Variants in MED27 observed in about 807,000 individuals in gnomAD.
MED27 encodes the protein mediator of RNA polymerase II transcription subunit 27.
MED27 carries 30 observed loss-of-function variants against 38.2 expected under a neutral mutation model. That is an observed-to-expected ratio of 0.79 (90% CI 0.59 to 1.07). The LOEUF is 1.07. Ranked by LOEUF, MED27 falls within the 50% of genes least tolerant of loss-of-function variation. The probability of loss-of-function intolerance (pLI) is 0.00; values close to 1 mark genes in which losing one functional copy is unlikely to be tolerated. For synonymous variants in MED27, 122 were observed against 153.5 expected, an observed-to-expected ratio of 0.79 and a Z score of 1.52; for missense variants, 289 against 397.5, an observed-to-expected ratio of 0.73 and a Z score of 2.32.
chr9:132,009,793 ATAAT>A (rs2131070025), intron 3 of MED27, among the ~76,000 whole-genome samples: 1 of 152,388 alleles, frequency 6.6e-6, no homozygotes, highest in African/African-American at 2.4e-5. Flanking sequence ...GAAGCAATAG[ATAAT>A]TAACATAGCA....
Position 131,873,705 on chromosome 9 carries a change from G to A in MED27, c.723+10353C>T, listed in dbSNP as rs150958155. ...GATGAGACCAGAGGCAAGGCTGCCT[G>A]AGCTGGAACTGGAGAGGTGAAGGCA... On this transcript the variant is annotated intron_variant, in intron 6 of 7. Coordinates refer to ENST00000292035, the MANE Select transcript of MED27 (RefSeq NM_004269.4). 3.1e-3 allele frequency among the ~76,000 whole-genome samples: 475 copies of A among 152,320 alleles called. 3 individuals are homozygous for A. Among genetic ancestry groups the A allele is most frequent in the African/African-American group, 0.011 (456 of 41,570 alleles).
chr9:132,022,790 A>C (rs950734170), intron 2 of MED27, among the ~76,000 whole-genome samples: 2 of 152,180 alleles, frequency 1.3e-5, no homozygotes, highest in African/African-American at 4.8e-5. Context: ...GGAAGCAAGG[A>C]CCTTCTTCAC....
intron 3 of MED27, among the ~76,000 whole-genome samples, chr9:132,013,633 G>C (rs1832531170): frequency 6.6e-6 from 1 of 152,090 alleles, no homozygotes; most frequent in Non-Finnish European, 1.5e-5. Context: ...TCTAATCTCA[G>C]CTCTAGCAGG....
chr9:131,949,137 G>A (rs1400898476), intron 3 of MED27, among the ~76,000 whole-genome samples: 1 of 152,184 alleles, frequency 6.6e-6, no homozygotes, highest in African/African-American at 2.4e-5. Context: ...GAGAAGAATT[G>A]TTTACTATTC....
intron 1 of MED27, among the ~76,000 whole-genome samples, chr9:132,079,031 A>G (rs557431512): frequency 5.9e-5 from 9 of 152,258 alleles, no homozygotes; most frequent in Non-Finnish European, 1.3e-4. Flanking sequence ...AAACTGGTTA[A>G]GAGATTAGAG....
chr9:131,987,175 G>T (rs1831871278), intron 3 of MED27, among the ~76,000 whole-genome samples: 1 of 151,990 alleles, frequency 6.6e-6, no homozygotes, highest in African/African-American at 2.4e-5. Context: ...TTCCCTTGCT[G>T]CACGTTCTCA....
intron 4 of MED27, among the ~76,000 whole-genome samples, chr9:131,937,450 C>A (rs1481383058): frequency 1.3e-5 from 2 of 152,096 alleles, no homozygotes; most frequent in African/African-American, 4.8e-5. Flanking sequence ...GTGATTCTTG[C>A]CTTGAATTGA....
chr9:132,062,908 C>G (rs1833730716), intron 2 of MED27, among the ~76,000 whole-genome samples: 1 of 152,192 alleles, frequency 6.6e-6, no homozygotes. Flanking sequence ...AGGTGTGAGC[C>G]ACTGCACCCA....
chr9:131,948,278 A>G (rs1346088470), intron 3 of MED27, among the ~76,000 whole-genome samples: 2 of 152,156 alleles, frequency 1.3e-5, no homozygotes, highest in Non-Finnish European at 2.9e-5. Context: ...TGAGGTCAGG[A>G]GTTCGAGACC....
chr9:132,043,020 G>A (rs1051532301), intron 2 of MED27, among the ~76,000 whole-genome samples: 5 of 152,132 alleles, frequency 3.3e-5, no homozygotes, highest in South Asian at 2.1e-4. Context: ...AACATCTGGA[G>A]TAGGCAAATG....
intron 3 of MED27, among the ~76,000 whole-genome samples, chr9:131,988,679 C>T (rs2131038288): frequency 6.6e-6 from 1 of 152,216 alleles, no homozygotes; most frequent in African/African-American, 2.4e-5. Context: ...CCAGGGTCTT[C>T]TTACATTGCC....
rs1419361963 is a variant in MED27, at chr9:131,862,308, C to T, written c.801+755G>A. Among the ~76,000 whole-genome samples, 6 of 152,218 alleles carry T rather than the reference C, an allele frequency of 3.9e-5. No homozygotes were observed. The highest frequency in any genetic ancestry group is 1.3e-4 in the Admixed American group (2 of 15,296). ...TGAAGAAAACAGGGAGTCCCAGCAG[C>T]GGTGGATGATGGGGTCTGCTGGCGT... On this transcript the variant is annotated intron_variant, in intron 7 of 7. Transcript: ENST00000292035. The surrounding 1 kb of genome is among the most constrained non-coding windows in gnomAD (Gnocchi z 4.6).
chr9:131,955,586 T>C (rs1831079951), intron 3 of MED27, among the ~76,000 whole-genome samples: 1 of 152,212 alleles, frequency 6.6e-6, no homozygotes, highest in Non-Finnish European at 1.5e-5. Flanking sequence ...ATCGCTCAGA[T>C]TCTAGAGGCA....
chr9:131,928,964 T>A (rs78832847), intron 4 of MED27, among the ~76,000 whole-genome samples: 2,250 of 152,316 alleles, frequency 0.015, 60 homozygotes, highest in African/African-American at 0.05. Context: ...AAGTGACCCT[T>A]CCTTCTTCTT....
intron 3 of MED27, among the ~76,000 whole-genome samples, chr9:132,000,614 T>C (rs1832206901): frequency 6.6e-6 from 1 of 152,036 alleles, no homozygotes; most frequent in Non-Finnish European, 1.5e-5. Context: ...AACAGATAAA[T>C]GGATAAACAA....
chr9:132,005,435 C>T (rs1832337671), intron 3 of MED27, among the ~76,000 whole-genome samples: 2 of 152,164 alleles, frequency 1.3e-5, no homozygotes, highest in African/African-American at 4.8e-5. Context: ...CTCTGAATGC[C>T]AGGTATTTGA....
chr9:131,863,026 G>A, intron 7 of MED27, 37 bp downstream of exon 7: 1 of 1,587,238 alleles, frequency 6.3e-7, no homozygotes, highest in Non-Finnish European at 8.7e-7. Flanking sequence ...AGGGAGCTGA[G>A]GTTTAAACAG....
chr9:131,970,119 T>G (rs1831443230), intron 3 of MED27, among the ~76,000 whole-genome samples: 1 of 152,154 alleles, frequency 6.6e-6, no homozygotes, highest in Non-Finnish European at 1.5e-5. Flanking sequence ...GCAAGCAAAT[T>G]GGGCAAGGTC....
At chr9:131,961,726 T>A (rs1831219890) in intron 3 of MED27, among the ~76,000 whole-genome samples, 1 of 152,212 alleles carries the variant, frequency 6.6e-6, no homozygotes, top group Non-Finnish European at 1.5e-5. Flanking sequence ...CTACAGTCCC[T>A]TCCCACTTAG....
Sources: allele counts gnomAD v4.1 joint callset (sites outside exome capture counted in the v4.1 genomes callset), GRCh38; gene constraint gnomAD v4.1.1; non-coding constraint Gnocchi (gnomAD v3.1); transcripts MANE v1.5; gene names NCBI Gene and HGNC (gene_info 2026-07-23, HGNC 2026-07-21).